ZNF664: variants seen among roughly 807,000 people sequenced by gnomAD.
ZNF664 encodes the protein zinc finger Organ of Corti 1.
Under a neutral mutation model 18.2 loss-of-function variants are expected in ZNF664, and 10 were observed. That is an observed-to-expected ratio of 0.55 (90% CI 0.34 to 0.93). The LOEUF (loss-of-function observed/expected upper bound fraction) is 0.93. Ranked by LOEUF, ZNF664 falls within the 40% of genes least tolerant of loss-of-function variation. The pLI is 0.02. For missense variants in ZNF664, 193 were observed against 319.0 expected, an observed-to-expected ratio of 0.61 and a Z score of 3.01; for synonymous variants, 119 against 104.2, an observed-to-expected ratio of 1.14 and a Z score of -0.86.
At chr12:123,994,408 C>T (rs1028530471) in intron 3 of ZNF664, among the ~76,000 whole-genome samples, 14 of 152,160 alleles carry the variant, frequency 9.2e-5, no homozygotes, top group African/African-American at 3.1e-4. Flanking sequence ...AAATGATAAA[C>T]TCATTACATG....
At chr12:123,973,796 C>T (rs1258438100) in intron 1 of ZNF664, 90 bp from the exon 2 acceptor site, 2 of 1,229,454 alleles carry the variant, frequency 1.6e-6, no homozygotes, top group African/African-American at 1.6e-5. Flanking sequence ...CAGGCGGGTC[C>T]CGGGAGAGGC....
intron 2 of ZNF664, among the ~76,000 whole-genome samples, chr12:123,976,820 C>G (rs1056017735): frequency 6.6e-6 from 1 of 152,060 alleles, no homozygotes; most frequent in Non-Finnish European, 1.5e-5. Context: ...TGCACAGTGG[C>G]TCACACCTGT....
intron 3 of ZNF664, among the ~76,000 whole-genome samples, chr12:124,002,540 CGT>C (rs1285444273): frequency 6.6e-6 from 1 of 152,074 alleles, no homozygotes; most frequent in Non-Finnish European, 1.5e-5. Context: ...AGGAGGTGAC[CGT>C]GGCCTGGATA....
intron 3 of ZNF664, among the ~76,000 whole-genome samples, chr12:124,002,996 C>T (rs77112003): frequency 0.3 from 45,730 of 151,886 alleles, 7,024 homozygotes; most frequent in Middle Eastern, 0.34. Flanking sequence ...GGGGCAGGGA[C>T]GGGCCAGCTA....
At chr12:123,988,233 G>T (rs1407079333) in intron 3 of ZNF664, 95 bp downstream of exon 3, 1 of 1,164,694 alleles carries the variant, frequency 8.6e-7, no homozygotes, top group Non-Finnish European at 1.1e-6. Flanking sequence ...TTCTGAGCAT[G>T]TGCCCTTTGG....
chr12:123,998,995 T>C (rs1413086914), intron 3 of ZNF664, among the ~76,000 whole-genome samples: 3 of 152,232 alleles, frequency 2.0e-5, no homozygotes, highest in Non-Finnish European at 4.4e-5. Context: ...TAGGGATCTT[T>C]CTATAAAACC....
At position 123,977,956 on chromosome 12, in the gene ZNF664, C is replaced by G. The variant is rs375042028; in HGVS notation, c.-757+3936C>G. Among the ~76,000 whole-genome samples, 15 of 152,240 alleles carry G rather than the reference C, an allele frequency of 9.9e-5. No homozygotes were observed. The East Asian group carries it at 2.3e-3, about 23-fold the overall frequency. ...CATGCTAAGGTGGATGGAGCACATG[C>G]TTTAGACTCAGATGTGTCTAAACTG... is the stretch of plus-strand genomic sequence containing the variant. On this transcript the variant is annotated intron_variant, in intron 2 of 4. Coordinates refer to ENST00000337815, the MANE Select transcript of ZNF664 (RefSeq NM_152437.3).
chr12:123,993,509 C>A (rs1319828330), intron 3 of ZNF664, among the ~76,000 whole-genome samples: 2 of 152,136 alleles, frequency 1.3e-5, no homozygotes, highest in Admixed American at 6.5e-5. Context: ...CTAAGTCTTC[C>A]TATACCAAGT....
At chr12:123,988,705 G>A (rs1185686939) in intron 3 of ZNF664, among the ~76,000 whole-genome samples, 1 of 152,060 alleles carries the variant, frequency 6.6e-6, no homozygotes, top group Non-Finnish European at 1.5e-5. Context: ...GAGTGTCATT[G>A]TGTTCCCAGC....
chr12:124,010,362 TATC>T (rs1957121964), intron 3 of ZNF664, among the ~76,000 whole-genome samples: 1 of 152,262 alleles, frequency 6.6e-6, no homozygotes, highest in Non-Finnish European at 1.5e-5. Context: ...AATTTTAAAG[TATC>T]ATAGCGTATA....
chr12:124,005,524 T>TGTGTGA (rs137963321), intron 3 of ZNF664, among the ~76,000 whole-genome samples: 5,973 of 147,100 alleles, frequency 0.041, 142 homozygotes, highest in Middle Eastern at 0.05. Context: ...TGTGTGTGTG[T>TGTGTGA]GAGAGATAGG....
At chr12:124,005,481 GAA>G (rs1491300967) in intron 3 of ZNF664, among the ~76,000 whole-genome samples, 10 of 127,100 alleles carry the variant, frequency 7.9e-5, no homozygotes, top group Admixed American at 1.8e-4. Flanking sequence ...ATAATTTATA[GAA>G]TGTGTGTGTG....
chr12:124,012,667 G>A lies in ZNF664; in HGVS notation c.523G>A (p.Glu175Lys), dbSNP rs770184820. ...AGGAGAGAAACCCTATAAATGTTAT[G>A]AGTGTGGGAAGGCGTTCAGTCAGAG... ...HTGEKPYKCY[E>K]CGKAFSQSSS... Residue 175 changes from glutamate (E) to lysine (K), a missense_variant, in exon 5 of 5, where the codon GAG becomes AAG. By Grantham distance (56) the Glu-to-Lys change is moderately conservative (BLOSUM62 1). Around this residue, in one of 3 missense-constraint regions of ZNF664, gnomAD observed 61 missense variants for 153.7 expected, o/e 0.40. Coordinates refer to ENST00000337815, the MANE Select transcript of ZNF664 (RefSeq NM_152437.3). 6.2e-7 allele frequency: 1 copy of A among 1,614,196 alleles called. No homozygotes were observed. Among genetic ancestry groups the A allele is most frequent in the Non-Finnish European group, 8.5e-7 (1 of 1,180,044 alleles).
chr12:123,999,596 G>A (rs1035733161), intron 3 of ZNF664, among the ~76,000 whole-genome samples: 7 of 152,320 alleles, frequency 4.6e-5, no homozygotes, highest in South Asian at 2.1e-4. Context: ...ATTTTTCTGA[G>A]CCAGCAGTCC....
intron 3 of ZNF664, among the ~76,000 whole-genome samples, chr12:123,991,485 A>G (rs769681534): frequency 9.9e-5 from 15 of 152,206 alleles, no homozygotes; most frequent in Non-Finnish European, 1.6e-4. Context: ...CTGCCTGTGA[A>G]ATGACATTCT....
At chr12:124,009,946 C>A (rs1481005958) in intron 3 of ZNF664, among the ~76,000 whole-genome samples, 3 of 148,710 alleles carry the variant, frequency 2.0e-5, no homozygotes, top group Non-Finnish European at 4.4e-5. Context: ...GTGCACAGTG[C>A]TTGTCCTCAT....
intron 3 of ZNF664, among the ~76,000 whole-genome samples, chr12:124,005,483 ATGTGTGTGTGTGTGTGTGTG>A (rs202223166): frequency 7.0e-6 from 1 of 142,814 alleles, no homozygotes; most frequent in Non-Finnish European, 1.5e-5. Flanking sequence ...AATTTATAGA[ATGTGTGTGTGTGTGTGTGTG>A]TGTGTGTGTG....
intron 2 of ZNF664, among the ~76,000 whole-genome samples, chr12:123,979,989 G>A (rs1368228567): frequency 1.3e-5 from 2 of 152,106 alleles, no homozygotes; most frequent in African/African-American, 4.8e-5. Context: ...TAGCCTATTA[G>A]TTTTTTATAT....
intron 3 of ZNF664, among the ~76,000 whole-genome samples, chr12:123,997,017 T>TG (rs1218784756): frequency 2.0e-5 from 3 of 152,152 alleles, no homozygotes; most frequent in Non-Finnish European, 2.9e-5. Flanking sequence ...TTTGTTTCCT[T>TG]GGGAGACAGA....
Sources: gnomAD v4.1 joint callset for allele counts (sites outside exome capture counted in the v4.1 genomes callset) on GRCh38, gnomAD v4.1.1 for gene constraint, gnomAD v4.1.1 regional missense constraint, MANE v1.5 for transcripts, NCBI Gene and HGNC (gene_info 2026-07-23, HGNC 2026-07-21) for gene names.